CLASP2: variants seen among roughly 807,000 people sequenced by gnomAD.
CLASP2 encodes cytoplasmic linker associated protein 2, also known as CLIP-associating protein 2.
A neutral mutation model predicts 194.4 loss-of-function variants in CLASP2; 47 were observed. The observed-to-expected ratio is 0.24, with a 90% CI of 0.19 to 0.31. CLASP2 has a LOEUF of 0.31. CLASP2 is among the 10% of genes least tolerant of loss of function. The pLI is 1.00. For synonymous variants in CLASP2, 619 were observed against 633.5 expected, an observed-to-expected ratio of 0.98 and a Z score of 0.34; for missense variants, 1,445 against 1,823.6, an observed-to-expected ratio of 0.79 and a Z score of 3.78.
intron 6 of CLASP2, among the ~76,000 whole-genome samples, chr3:33,676,602 A>G (rs1275493432): frequency 2.0e-5 from 3 of 152,050 alleles, no homozygotes; most frequent in African/African-American, 7.2e-5. Context: ...TAAAAACCCT[A>G]GAAGAAAACC....
chr3:33,685,474 G>A (rs2090540993), intron 5 of CLASP2, among the ~76,000 whole-genome samples: 1 of 151,024 alleles, frequency 6.6e-6, no homozygotes, highest in African/African-American at 2.4e-5. Context: ...TTTCAAGAAT[G>A]TGGCCTGAAC....
Position 33,644,764 on chromosome 3 carries a change from C to A in CLASP2, c.855G>T (p.Lys285Asn), listed in dbSNP as rs566010531. ...GAAATGGATTTACATTACCTCCAACCTTAGGGCCACCTGCTGAACCAGGCT... is the reference window on the plus strand; with the variant it reads ...GAAATGGATTTACATTACCTCCAACATTAGGGCCACCTGCTGAACCAGGCT... ...ARKPGSAGGP[K>N]VGGASKEGGA... The change falls in exon 8 of 39, where the codon AAG (lysine) becomes AAT (asparagine). Residue 285 changes from lysine (K) to asparagine (N), a missense_variant. By Grantham distance (94) the Lys-to-Asn change is moderately conservative. Transcript: ENST00000682230. 1 of 1,613,174 alleles carries A rather than the reference C, an allele frequency of 6.2e-7. No individual in the cohort carries two copies. Among genetic ancestry groups the A allele is most frequent in the African/African-American group, 1.3e-5 (1 of 75,028 alleles).
Position 33,527,932 on chromosome 3 carries a change from C to G in CLASP2, c.3787+7301G>C, listed in dbSNP as rs917967215. Among the ~76,000 whole-genome samples the G allele has an allele frequency of 2.0e-5, 3 of 152,116 alleles. No individual in the cohort carries two copies. The East Asian group carries it at 5.8e-4, about 29-fold the overall frequency. On this transcript the variant is annotated intron_variant, in intron 34 of 38. Coordinates refer to ENST00000682230, the MANE Select transcript of CLASP2 (RefSeq NM_001365631.1). ...GAGCCGAGATCATGCTGCTGCCCCCCAGCCTGGGTGACAGAGCGAGACTGT... is the reference window on the plus strand; with the variant it reads ...GAGCCGAGATCATGCTGCTGCCCCCGAGCCTGGGTGACAGAGCGAGACTGT...
At chr3:33,571,014 A>ATTTTTTTTTTTTTTTTTTTTTTTTTT (rs1276472825) in intron 25 of CLASP2, among the ~76,000 whole-genome samples, 2 of 127,744 alleles carry the variant, frequency 1.6e-5, no homozygotes, top group Non-Finnish European at 3.3e-5. Context: ...TGTCTCTATA[A>ATTTTTTTTTTTTTTTTTTTTTTTTTT]ATTTTTTTTT....
chr3:33,701,482 G>C (rs1462500112), intron 1 of CLASP2, among the ~76,000 whole-genome samples: 1 of 152,180 alleles, frequency 6.6e-6, no homozygotes, highest in Non-Finnish European at 1.5e-5. Context: ...TATAATACCA[G>C]TTACTCAAGA....
intron 18 of CLASP2, among the ~76,000 whole-genome samples, chr3:33,602,014 C>A (rs1443377027): frequency 6.0e-5 from 9 of 150,690 alleles, no homozygotes; most frequent in Admixed American, 4.0e-4. Flanking sequence ...ATCCGAAATA[C>A]CTTTTTTTTT....
chr3:33,685,845 A>G (rs2090596247), intron 5 of CLASP2, among the ~76,000 whole-genome samples: 2 of 152,038 alleles, frequency 1.3e-5, no homozygotes, highest in African/African-American at 4.8e-5. Flanking sequence ...GGGGACTGCC[A>G]GGGACTGGGG....
Position 33,517,045 on chromosome 3 carries a change from C to T in CLASP2, c.3917G>A (p.Ser1306Asn). 1 of 1,613,704 alleles carries T rather than the reference C, an allele frequency of 6.2e-7. No individual in the cohort carries two copies. Among genetic ancestry groups the T allele is most frequent in the Non-Finnish European group, 8.5e-7 (1 of 1,179,770 alleles). ...LMKLTQEESFSVWDEHFKTIL... is the reference protein window; with the variant it reads ...LMKLTQEESFNVWDEHFKTIL... ...TGTTTTGAAGTGTTCATCCCAAACA[C>T]TAAAAGATTCTTCCTGTGTCAGTTT... The change falls in exon 35 of 39, where the codon AGT becomes AAT. Residue 1306 changes from serine to asparagine, a missense_variant. Ser to Asn is a conservative substitution (Grantham distance 46). Around this residue, in one of 4 missense-constraint regions of CLASP2, gnomAD observed 732 missense variants for 987.9 expected, o/e 0.74. Transcript: ENST00000682230.
chr3:33,677,471 G>A (rs1359161364), intron 6 of CLASP2, among the ~76,000 whole-genome samples: 21 of 148,768 alleles, frequency 1.4e-4, no homozygotes, highest in South Asian at 2.1e-4. Flanking sequence ...ACCAAACACC[G>A]CGTATTCTCA....
chr3:33,694,684 T>G (rs1011847531), intron 2 of CLASP2, among the ~76,000 whole-genome samples: 2 of 152,232 alleles, frequency 1.3e-5, no homozygotes, highest in Non-Finnish European at 2.9e-5. Context: ...AAGCAACTTC[T>G]GATCAGCATC....
intron 6 of CLASP2, among the ~76,000 whole-genome samples, chr3:33,673,991 A>C (rs1375502769): frequency 6.6e-6 from 1 of 152,186 alleles, no homozygotes; most frequent in Non-Finnish European, 1.5e-5. Flanking sequence ...CATATTAATA[A>C]TGGGAGACTT....
chr3:33,681,372 C>T (rs115633219), intron 6 of CLASP2, among the ~76,000 whole-genome samples: 2,638 of 152,246 alleles, frequency 0.017, 69 homozygotes, highest in African/African-American at 0.06. Flanking sequence ...TATTGGCAAA[C>T]AACTGCTGCT....
intron 36 of CLASP2, 30 bp downstream of exon 36, chr3:33,515,993 G>C (rs1476597944): frequency 1.3e-6 from 2 of 1,583,094 alleles, no homozygotes; most frequent in Non-Finnish European, 8.6e-7. Context: ...TAAAATAATG[G>C]AATAATACTT....
Position 33,604,178 on chromosome 3 carries a change from T to C in CLASP2, c.1726A>G (p.Asn576Asp). Residue 576 changes from asparagine (N) to aspartate (D), a missense_variant, in exon 17 of 39, where the codon AAT becomes GAT. By Grantham distance (23) the Asn-to-Asp change is conservative. Coordinates refer to ENST00000682230, the MANE Select transcript of CLASP2 (RefSeq NM_001365631.1). ...CCTCTTCCAGCCACAGTTGATGGAT[T>C]TGCTGTAGACCATTTGGAAGAAAAA... is the stretch of plus-strand genomic sequence containing the variant. ...RPFSSKWSTA[N>D]PSTVAGRVSA... is the part of the protein sequence containing the mutation. 2.6e-6 allele frequency: 4 copies of C among 1,560,982 alleles called. No individual in the cohort carries two copies. Among genetic ancestry groups the C allele is most frequent in the Admixed American group, 3.8e-5 (2 of 52,414 alleles).
At chr3:33,712,584 G>A (rs2093067658) in intron 1 of CLASP2, among the ~76,000 whole-genome samples, 1 of 152,036 alleles carries the variant, frequency 6.6e-6, no homozygotes, top group Non-Finnish European at 1.5e-5. Flanking sequence ...TGTCACGTGG[G>A]GTGGTAAAAC....
chr3:33,567,631 GTA>G (rs2062980174), intron 26 of CLASP2, among the ~76,000 whole-genome samples: 1 of 152,076 alleles, frequency 6.6e-6, no homozygotes, highest in Non-Finnish European at 1.5e-5. Context: ...TTTAAAAAAC[GTA>G]TATATGGTAC....
At chr3:33,665,067 C>A (rs1227907767) in intron 6 of CLASP2, among the ~76,000 whole-genome samples, 2 of 151,272 alleles carry the variant, frequency 1.3e-5, no homozygotes, top group African/African-American at 2.4e-5. Context: ...TGACACTGCA[C>A]ACTCCAGCCT....
intron 6 of CLASP2, among the ~76,000 whole-genome samples, chr3:33,677,817 C>T (rs1439411580): frequency 7.8e-6 from 1 of 128,590 alleles, no homozygotes; most frequent in South Asian, 2.5e-4. Context: ...AGTTTAAAAA[C>T]AAAAACTATG....
chr3:33,555,511 G>A (rs1433627435), intron 29 of CLASP2, among the ~76,000 whole-genome samples: 2 of 151,936 alleles, frequency 1.3e-5, no homozygotes, highest in Non-Finnish European at 2.9e-5. Flanking sequence ...GATTACAGGT[G>A]TGCACCACCA....
Sources: allele counts gnomAD v4.1 joint callset (sites outside exome capture counted in the v4.1 genomes callset), GRCh38; gene constraint gnomAD v4.1.1; regional missense constraint gnomAD v4.1.1; transcripts MANE v1.5; gene names NCBI Gene and HGNC (gene_info 2026-07-23, HGNC 2026-07-21).